The following AGBL4 variants were observed in gnomAD, a reference collection of about 807,000 sequenced individuals.
The protein encoded by AGBL4 is cytosolic carboxypeptidase 6.
AGBL4 carries 58 observed loss-of-function variants against 66.4 expected under a neutral mutation model. The ratio of observed to expected loss-of-function variants is 0.87; its 90% CI spans 0.71 to 1.09. The LOEUF (loss-of-function observed/expected upper bound fraction) is 1.09. AGBL4 is among the 50% of genes least tolerant of loss of function. The pLI is 0.00. For synonymous variants in AGBL4, 234 were observed against 222.9 expected (o/e 1.05, Z -0.44); for missense variants, 579 against 631.0 (o/e 0.92, Z 0.88).
Position 50,019,306 on chromosome 1 carries a change from T to TCTCTCTCTCTCTCTCACACA in AGBL4, c.34+4456_34+4457insTGTGTGAGAGAGAGAGAGAG, listed in dbSNP as rs1167835143. Among the ~76,000 whole-genome samples the TCTCTCTCTCTCTCTCACACA allele has an allele frequency of 4.5e-4, 22 of 48,430 alleles. 1 individual carries two copies. Among genetic ancestry groups the TCTCTCTCTCTCTCTCACACA allele is most frequent in the African/African-American group, 1.5e-3 (20 of 13,530 alleles). The allele number at this position is 48,430 out of a possible 152,430, so 31.8% of individuals were successfully genotyped here. ...CTCTCTCTCTCTCTCTCTCTCTCTC[T>TCTCTCTCTCTCTCTCACACA]CACACACACACACACACACACACAC... On this transcript the variant is annotated intron_variant, in intron 1 of 13. Coordinates refer to ENST00000371839, the MANE Select transcript of AGBL4 (RefSeq NM_032785.4).
At chr1:48,996,038 A>G (rs1660969359) in intron 5 of AGBL4, among the ~76,000 whole-genome samples, 1 of 152,172 alleles carries the variant, frequency 6.6e-6, no homozygotes, top group African/African-American at 2.4e-5. Flanking sequence ...TTGGGGACAT[A>G]TATTAGAGAT....
At chr1:48,860,032 C>A (rs1647342409) in intron 6 of AGBL4, among the ~76,000 whole-genome samples, 2 of 152,164 alleles carry the variant, frequency 1.3e-5, no homozygotes, top group Non-Finnish European at 2.9e-5. Flanking sequence ...TATATGGTAT[C>A]ATTCAAATTT....
At chr1:49,136,440 T>C (rs1288579498) in intron 4 of AGBL4, among the ~76,000 whole-genome samples, 4 of 152,192 alleles carry the variant, frequency 2.6e-5, no homozygotes, top group Non-Finnish European at 4.4e-5. Context: ...GTCCACTACA[T>C]GTTGCTGTTC....
At chr1:49,971,644 C>T (rs1007242984) in intron 1 of AGBL4, among the ~76,000 whole-genome samples, 5 of 151,898 alleles carry the variant, frequency 3.3e-5, no homozygotes, top group Admixed American at 2.6e-4. Flanking sequence ...CCTTAAACTA[C>T]AAAGGATACA....
chr1:49,940,155 C>T (rs959995756), intron 1 of AGBL4, among the ~76,000 whole-genome samples: 13 of 152,108 alleles, frequency 8.5e-5, no homozygotes, highest in Non-Finnish European at 1.8e-4. Flanking sequence ...CTATGAGATA[C>T]CATCTCACAC....
chr1:49,117,065 G>GT (rs1411380926), intron 4 of AGBL4, among the ~76,000 whole-genome samples: 134 of 146,356 alleles, frequency 9.2e-4, no homozygotes, highest in African/African-American at 2.1e-3. Flanking sequence ...TTTTGATGGG[G>GT]TTTTTTTTTT....
intron 3 of AGBL4, among the ~76,000 whole-genome samples, chr1:49,392,715 A>G (rs1351273204): frequency 6.6e-6 from 1 of 151,866 alleles, no homozygotes; most frequent in Non-Finnish European, 1.5e-5. Context: ...ACACACACAC[A>G]CACACACACA....
chr1:49,773,222 G>T (rs903493922), intron 2 of AGBL4, among the ~76,000 whole-genome samples: 1 of 152,082 alleles, frequency 6.6e-6, no homozygotes, highest in African/African-American at 2.4e-5. Flanking sequence ...TTCTCATTCA[G>T]ATCATGAATT....
At chr1:49,871,664 A>T (rs1646842025) in intron 1 of AGBL4, among the ~76,000 whole-genome samples, 1 of 152,044 alleles carries the variant, frequency 6.6e-6, no homozygotes, top group Non-Finnish European at 1.5e-5. Context: ...ATGTTGTTTA[A>T]CCTTCTTTGG....
At chr1:49,386,384 C>A (rs1644737487) in intron 3 of AGBL4, among the ~76,000 whole-genome samples, 1 of 151,492 alleles carries the variant, frequency 6.6e-6, no homozygotes, top group Non-Finnish European at 1.5e-5. Flanking sequence ...AAAGACTATG[C>A]ATGGAATAAA....
chr1:49,800,410 A>C (rs1477011116), intron 2 of AGBL4, among the ~76,000 whole-genome samples: 3 of 142,010 alleles, frequency 2.1e-5, no homozygotes, highest in Non-Finnish European at 3.1e-5. Flanking sequence ...ACATGTGCAC[A>C]TTGTGCAGGT....
intron 3 of AGBL4, among the ~76,000 whole-genome samples, chr1:49,399,671 T>C (rs750184931): frequency 6.6e-6 from 1 of 152,178 alleles, no homozygotes; most frequent in Non-Finnish European, 1.5e-5. Context: ...TCAGGTCTTC[T>C]GTCCATTTTT....
intron 1 of AGBL4, among the ~76,000 whole-genome samples, chr1:50,001,570 A>C (rs2148420343): frequency 6.6e-6 from 1 of 152,032 alleles, no homozygotes; most frequent in Non-Finnish European, 1.5e-5. Flanking sequence ...AACGGGTTGC[A>C]AATTTTAGGA....
At chr1:49,428,187 T>TC (rs1180209350) in intron 3 of AGBL4, among the ~76,000 whole-genome samples, 1 of 152,194 alleles carries the variant, frequency 6.6e-6, no homozygotes, top group African/African-American at 2.4e-5. Flanking sequence ...TAACTTTTTT[T>TC]CCACATAAAA....
intron 3 of AGBL4, among the ~76,000 whole-genome samples, chr1:49,494,576 C>T (rs1647360626): frequency 6.6e-6 from 1 of 151,916 alleles, no homozygotes; most frequent in Non-Finnish European, 1.5e-5. Flanking sequence ...TTTCCAATTT[C>T]ATCCATGTCC....
At chr1:49,787,961 A>G (rs1644501966) in intron 2 of AGBL4, among the ~76,000 whole-genome samples, 1 of 152,184 alleles carries the variant, frequency 6.6e-6, no homozygotes, top group Admixed American at 6.5e-5. Context: ...TTTTTTACAT[A>G]AACTATCTAA....
chr1:49,940,753 A>T (rs1654669701), intron 1 of AGBL4, among the ~76,000 whole-genome samples: 1 of 152,172 alleles, frequency 6.6e-6, no homozygotes, highest in Admixed American at 6.5e-5. Context: ...CTAATGCTAA[A>T]TGACGAGTTA....
chr1:48,828,232 C>T (rs1201115956), intron 6 of AGBL4, among the ~76,000 whole-genome samples: 8 of 151,888 alleles, frequency 5.3e-5, no homozygotes. Context: ...AAATCTCTCC[C>T]ACCTCATGCC....
chr1:49,438,997 A>C (rs1645966149), intron 3 of AGBL4, among the ~76,000 whole-genome samples: 1 of 152,182 alleles, frequency 6.6e-6, no homozygotes, highest in South Asian at 2.1e-4. Context: ...CTCATGGCCT[A>C]ATCATTTCTT....
Sources: allele counts gnomAD v4.1 joint callset (sites outside exome capture counted in the v4.1 genomes callset), GRCh38; gene constraint gnomAD v4.1.1; transcripts MANE v1.5; gene names NCBI Gene and HGNC (gene_info 2026-07-23, HGNC 2026-07-21).